The following CACNA2D1 variants were observed in gnomAD, a reference collection of about 807,000 sequenced individuals.
CACNA2D1 encodes the protein voltage-dependent calcium channel subunit alpha-2/delta-1.
CACNA2D1 carries 53 observed loss-of-function variants against 171.5 expected under a neutral mutation model. The ratio of observed to expected loss-of-function variants is 0.31; its 90% confidence interval spans 0.25 to 0.39. CACNA2D1 has a LOEUF of 0.39. Among genes scored for constraint, CACNA2D1 ranks in the 10% least tolerant of loss-of-function variants. The probability of loss-of-function intolerance (pLI) is 1.00; values close to 1 mark genes in which losing one functional copy is unlikely to be tolerated. For synonymous variants in CACNA2D1, 442 were observed against 443.1 expected, an observed-to-expected ratio of 1.00 and a Z score of 0.03; for missense variants, 903 against 1,299.8, an observed-to-expected ratio of 0.69 and a Z score of 4.69.
At chr7:81,976,862 A>T (rs998772673) in intron 24 of CACNA2D1, among the ~76,000 whole-genome samples, 5 of 151,598 alleles carry the variant, frequency 3.3e-5, no homozygotes, top group Non-Finnish European at 7.4e-5. Flanking sequence ...CTCAAAAAAT[A>T]AAAAAAAAGG....
intron 3 of CACNA2D1, among the ~76,000 whole-genome samples, chr7:82,220,779 T>C (rs2129248118): frequency 8.4e-6 from 1 of 118,998 alleles, no homozygotes; most frequent in East Asian, 3.7e-4. Context: ...TCTTTCTTTT[T>C]TCTTTTTTTT....
At chr7:82,008,276 CAT>C (rs1307911310) in intron 15 of CACNA2D1, among the ~76,000 whole-genome samples, 2 of 152,096 alleles carry the variant, frequency 1.3e-5, no homozygotes, top group Admixed American at 6.6e-5. Flanking sequence ...ATTGATACTG[CAT>C]ATCTGGGATA....
intron 1 of CACNA2D1, among the ~76,000 whole-genome samples, chr7:82,425,986 C>A (rs998634694): frequency 1.3e-4 from 19 of 150,780 alleles, no homozygotes; most frequent in Admixed American, 4.6e-4. Flanking sequence ...AAAAATTAGC[C>A]GAGCATGGTG....
intron 10 of CACNA2D1, among the ~76,000 whole-genome samples, chr7:82,049,068 C>T (rs1804881394): frequency 6.7e-6 from 1 of 150,176 alleles, no homozygotes; most frequent in South Asian, 2.1e-4. Context: ...CTTGTCAACA[C>T]CTTCTTATAA....
intron 5 of CACNA2D1, among the ~76,000 whole-genome samples, chr7:82,130,531 T>C (rs1356960606): frequency 2.0e-5 from 3 of 151,968 alleles, no homozygotes; most frequent in Non-Finnish European, 4.4e-5. Context: ...TAAGAACATA[T>C]TTGAGACCAA....
At chr7:82,056,704 T>C (rs534017548) in intron 10 of CACNA2D1, among the ~76,000 whole-genome samples, 1 of 152,216 alleles carries the variant, frequency 6.6e-6, no homozygotes, top group Admixed American at 6.5e-5. Context: ...TGTAAAAAAT[T>C]ATTATATTGC....
At chr7:82,293,982 A>G (rs1811969024) in intron 3 of CACNA2D1, among the ~76,000 whole-genome samples, 1 of 152,026 alleles carries the variant, frequency 6.6e-6, no homozygotes, top group Admixed American at 6.6e-5. Flanking sequence ...TGGCTCTACA[A>G]TTTTGTTAGC....
chr7:82,207,088 A>G (rs1800076329), intron 3 of CACNA2D1, among the ~76,000 whole-genome samples: 1 of 152,192 alleles, frequency 6.6e-6, no homozygotes, highest in Admixed American at 6.5e-5. Flanking sequence ...GTCCTCTTCT[A>G]TGGGAGTATC....
chr7:82,071,975 AC>A (rs1338504844), intron 7 of CACNA2D1, among the ~76,000 whole-genome samples: 3 of 152,064 alleles, frequency 2.0e-5, no homozygotes, highest in African/African-American at 7.2e-5. Context: ...GATAGCTGAA[AC>A]CTCAGTTGCT....
chr7:82,334,591 C>A (rs1817758683), intron 3 of CACNA2D1, among the ~76,000 whole-genome samples: 3 of 151,976 alleles, frequency 2.0e-5, no homozygotes, highest in Admixed American at 1.3e-4. Context: ...ACATACAGTG[C>A]AATATGAATT....
intron 1 of CACNA2D1, among the ~76,000 whole-genome samples, chr7:82,430,520 G>A (rs1829590003): frequency 6.6e-6 from 1 of 151,868 alleles, no homozygotes; most frequent in Non-Finnish European, 1.5e-5. Context: ...TAATGTATTG[G>A]TTAATCTAAA....
At chr7:82,245,299 G>C (rs531914560) in intron 3 of CACNA2D1, among the ~76,000 whole-genome samples, 4 of 152,262 alleles carry the variant, frequency 2.6e-5, no homozygotes, top group Non-Finnish European at 5.9e-5. Context: ...AAAAGTCTCT[G>C]AATCCCCTTG....
intron 3 of CACNA2D1, among the ~76,000 whole-genome samples, chr7:82,332,465 C>T (rs1541429): frequency 2.2e-5 from 3 of 133,972 alleles, no homozygotes; most frequent in Admixed American, 7.7e-5. Context: ...TTTGAAGAAG[C>T]ATAATATAAA....
chr7:81,955,528 A>G (rs1278069572), intron 38 of CACNA2D1, among the ~76,000 whole-genome samples: 2 of 152,128 alleles, frequency 1.3e-5, no homozygotes, highest in African/African-American at 2.4e-5. Flanking sequence ...TACTGAAAGC[A>G]TATTTTGTTA....
chr7:82,010,497 T>C (rs1799658392), intron 15 of CACNA2D1, among the ~76,000 whole-genome samples: 1 of 152,092 alleles, frequency 6.6e-6, no homozygotes, highest in Non-Finnish European at 1.5e-5. Flanking sequence ...ACATGCTGGC[T>C]AATGAACTTC....
At chr7:82,320,777 T>C (rs528683765) in intron 3 of CACNA2D1, among the ~76,000 whole-genome samples, 11 of 151,860 alleles carry the variant, frequency 7.2e-5, no homozygotes, top group African/African-American at 2.7e-4. Context: ...CAATCAAAAG[T>C]TTTCTCATAT....
chr7:82,107,859 TA>T (rs1395294259), intron 6 of CACNA2D1, among the ~76,000 whole-genome samples: 1 of 152,072 alleles, frequency 6.6e-6, no homozygotes, highest in South Asian at 2.1e-4. Flanking sequence ...GCGGGGATTA[TA>T]GACATTAGCG....
intron 3 of CACNA2D1, among the ~76,000 whole-genome samples, chr7:82,189,055 T>C (rs947647044): frequency 2.0e-5 from 3 of 152,010 alleles, no homozygotes; most frequent in African/African-American, 7.2e-5. Context: ...ATAGAAAAAG[T>C]ACCTACTGGG....
Position 81,950,467 on chromosome 7 carries a change from G to C in CACNA2D1, c.3201C>G (p.Pro1067=), listed in dbSNP as rs768028784. The change falls in exon 39 of 39, where the codon CCC becomes CCG. Residue 1067 remains proline, a synonymous_variant. Coordinates refer to ENST00000356860, the MANE Select transcript of CACNA2D1 (RefSeq NM_000722.4). The part of the protein sequence containing the change: ...TDCGGVSGLN[P]SLWYIIGIQF... ...GGATTCCAATGATATACCACAGGGA[G>C]GGATTTAATCCAGAAACACCACCAC... is the stretch of plus-strand genomic sequence containing the variant. 17 of 1,612,746 alleles carry C rather than the reference G, an allele frequency of 1.1e-5. No homozygotes were observed. Among genetic ancestry groups the C allele is most frequent in the Non-Finnish European group, 1.4e-5 (16 of 1,179,544 alleles).
Sources: allele counts gnomAD v4.1 joint callset (sites outside exome capture counted in the v4.1 genomes callset), GRCh38; gene constraint gnomAD v4.1.1; transcripts MANE v1.5; gene names NCBI Gene and HGNC (gene_info 2026-07-23, HGNC 2026-07-21).